Variants in NFX1 observed in about 807,000 individuals in gnomAD.
NFX1 encodes transcriptional repressor NF-X1.
Under a neutral mutation model 137.2 loss-of-function variants are expected in NFX1, and 69 were observed. The observed-to-expected ratio is 0.50, with a 90% confidence interval of 0.41 to 0.61. The LOEUF (loss-of-function observed/expected upper bound fraction) is 0.61. Ranked by LOEUF, NFX1 falls within the 20% of genes least tolerant of loss-of-function variation. The pLI, the probability that NFX1 is intolerant of heterozygous loss-of-function variation, is 0.00. For synonymous variants in NFX1, 495 were observed against 474.1 expected (o/e 1.04, Z -0.57); for missense variants, 1,167 against 1,391.0 (o/e 0.84, Z 2.56).
chr9:33,336,627 A>G (rs2118530295), intron 11 of NFX1, among the ~76,000 whole-genome samples: 1 of 152,236 alleles, frequency 6.6e-6, no homozygotes, highest in East Asian at 1.9e-4. Flanking sequence ...ATTGTTTAAG[A>G]CAGGGTCTCT....
chr9:33,356,708 T>C (rs1452442341), intron 19 of NFX1, among the ~76,000 whole-genome samples: 2 of 152,176 alleles, frequency 1.3e-5, no homozygotes, highest in African/African-American at 4.8e-5. Context: ...TCAGCTTTTT[T>C]CCACGTGAAT....
intron 10 of NFX1, among the ~76,000 whole-genome samples, chr9:33,329,807 T>C (rs1410889527): frequency 6.6e-6 from 1 of 152,106 alleles, no homozygotes; most frequent in East Asian, 1.9e-4. Flanking sequence ...TACAGGTGCA[T>C]GCCATCACAC....
chr9:33,313,574 G>T (rs764308454), intron 6 of NFX1, 80 bp from the exon 7 acceptor site: 3 of 1,441,456 alleles, frequency 2.1e-6, no homozygotes, highest in Admixed American at 3.5e-5. Flanking sequence ...TGAGGGGAGA[G>T]TTAGGGGCCG....
intron 11 of NFX1, among the ~76,000 whole-genome samples, chr9:33,337,073 C>CATA (rs1320827971): frequency 6.6e-6 from 1 of 152,120 alleles, no homozygotes; most frequent in Non-Finnish European, 1.5e-5. Context: ...GACAGGGTCT[C>CATA]ATTATGTTGG....
intron 9 of NFX1, among the ~76,000 whole-genome samples, chr9:33,320,626 A>G (rs1435893695): frequency 6.6e-6 from 1 of 152,230 alleles, no homozygotes. Context: ...AAGTAATACT[A>G]TACTGAGCCT....
rs952025160 is a variant in NFX1, at chr9:33,328,785, T to G, written c.2004+107T>G. Reference sequence around the variant, plus strand: ...ACCTCAGTAGATTAGGTATGGGAAGTGGTTGTGGCACTCAAGGTCCAGAGG... The same window carrying G: ...ACCTCAGTAGATTAGGTATGGGAAGGGGTTGTGGCACTCAAGGTCCAGAGG... On this transcript the variant is annotated intron_variant, in intron 10 of 23. Transcript: ENST00000379540. 8 of 874,384 alleles carry G rather than the reference T, an allele frequency of 9.1e-6. No individual in the cohort carries two copies. The African/African-American group carries it at 1.3e-4, about 15-fold the overall frequency. The allele number at this position is 874,384 out of a possible 1,614,324, so 54.2% of individuals were successfully genotyped here.
At chr9:33,291,057 C>G (rs1821141938) in intron 1 of NFX1, among the ~76,000 whole-genome samples, 1 of 152,240 alleles carries the variant, frequency 6.6e-6, no homozygotes, top group Non-Finnish European at 1.5e-5. Flanking sequence ...GTGACTCAGT[C>G]TCAGTCTCCT....
At chr9:33,292,744 A>G (rs1652718057) in intron 1 of NFX1, among the ~76,000 whole-genome samples, 1 of 152,006 alleles carries the variant, frequency 6.6e-6, no homozygotes, top group Non-Finnish European at 1.5e-5. Context: ...AGTTGCATCA[A>G]CTCATTACTG....
chr9:33,356,331 TTGA>T (rs1377656163), intron 19 of NFX1, among the ~76,000 whole-genome samples: 2 of 152,188 alleles, frequency 1.3e-5, no homozygotes, highest in Non-Finnish European at 2.9e-5. Context: ...TCTTTTTGTA[TTGA>T]TTAGTAGGAA....
intron 2 of NFX1, among the ~76,000 whole-genome samples, chr9:33,298,793 A>T (rs191128529): frequency 3.0e-4 from 45 of 152,298 alleles, no homozygotes; most frequent in East Asian, 5.8e-4. Context: ...CAAAAAAAAA[A>T]ATATTATTAA....
chr9:33,353,160 C>T (rs906095367), intron 17 of NFX1, among the ~76,000 whole-genome samples: 3 of 152,160 alleles, frequency 2.0e-5, no homozygotes, highest in African/African-American at 7.2e-5. Context: ...GAAATTTCTC[C>T]GCTTCCTCCT....
intron 15 of NFX1, among the ~76,000 whole-genome samples, 169 bp downstream of exon 15, chr9:33,347,286 CCT>C (rs1368253493): frequency 6.6e-6 from 1 of 152,014 alleles, no homozygotes; most frequent in African/African-American, 2.4e-5. Context: ...CAGAATTTAC[CCT>C]TTTTATTGTA....
intron 10 of NFX1, 152 bp from the exon 11 acceptor site, chr9:33,332,320 G>A (rs570975850): frequency 3.0e-5 from 19 of 630,720 alleles, no homozygotes; most frequent in African/African-American, 1.5e-4. Flanking sequence ...GATTAGGCTC[G>A]CTCCAGACAT....
chr9:33,295,526 A>G (rs943764444), intron 2 of NFX1, 99 bp downstream of exon 2: 22 of 1,304,892 alleles, frequency 1.7e-5, no homozygotes, highest in Non-Finnish European at 2.2e-5. Context: ...AAGTATGGAA[A>G]GTTACACTGT....
At chr9:33,354,991 G>A (rs1469478288) in intron 19 of NFX1, 99 bp downstream of exon 19, 6 of 1,137,540 alleles carry the variant, frequency 5.3e-6, no homozygotes, top group Non-Finnish European at 5.1e-6. Flanking sequence ...TCAGCACTGC[G>A]CTGCGTCTTT....
At chr9:33,327,430 T>G (rs569499613) in intron 9 of NFX1, among the ~76,000 whole-genome samples, 7 of 152,206 alleles carry the variant, frequency 4.6e-5, no homozygotes, top group African/African-American at 1.7e-4. Flanking sequence ...AGTGGCATGA[T>G]CTTGGCTCAC....
intron 19 of NFX1, among the ~76,000 whole-genome samples, chr9:33,358,781 C>G (rs375687870): frequency 6.6e-6 from 1 of 150,870 alleles, no homozygotes; most frequent in African/African-American, 2.4e-5. Flanking sequence ...TCCCACCTCA[C>G]CTCCCAAGTA....
intron 9 of NFX1, among the ~76,000 whole-genome samples, chr9:33,321,732 A>T (rs1187237051): frequency 6.6e-6 from 1 of 152,088 alleles, no homozygotes; most frequent in Non-Finnish European, 1.5e-5. Flanking sequence ...TTTTTTATTT[A>T]CCTGGGTATG....
intron 1 of NFX1, among the ~76,000 whole-genome samples, chr9:33,292,194 A>T (rs1821186883): frequency 6.6e-6 from 1 of 152,248 alleles, no homozygotes; most frequent in South Asian, 2.1e-4. Context: ...CCCAGAAAGT[A>T]TCTAATGAGG....
Sources: allele counts gnomAD v4.1 joint callset (sites outside exome capture counted in the v4.1 genomes callset), GRCh38; gene constraint gnomAD v4.1.1; transcripts MANE v1.5; gene names NCBI Gene and HGNC (gene_info 2026-07-23, HGNC 2026-07-21).